The following FSTL5 variants were observed in gnomAD, a reference collection of about 807,000 sequenced individuals.
FSTL5 encodes follistatin like 5.
In FSTL5, 62 loss-of-function variants were observed where a neutral mutation model predicts 89.1. The ratio of observed to expected loss-of-function variants is 0.70; its 90% CI spans 0.57 to 0.86. The LOEUF (loss-of-function observed/expected upper bound fraction) is 0.86, where lower values mean the gene tolerates loss of function less well. Among genes scored for constraint, FSTL5 ranks in the 40% least tolerant of loss-of-function variants. The pLI, the probability that FSTL5 is intolerant of heterozygous loss-of-function variation, is 0.00. For synonymous variants in FSTL5, 383 were observed against 346.2 expected (o/e 1.11, Z -1.18); for missense variants, 1,057 against 1,001.6 (o/e 1.06, Z -0.75).
At chr4:161,659,047 T>C (rs1736621483) in intron 6 of FSTL5, among the ~76,000 whole-genome samples, 1 of 152,214 alleles carries the variant, frequency 6.6e-6, no homozygotes, top group Non-Finnish European at 1.5e-5. Flanking sequence ...CATCTTAGAA[T>C]AAATGCTGAG....
intron 7 of FSTL5, among the ~76,000 whole-genome samples, chr4:161,623,673 T>A (rs943619150): frequency 4.6e-5 from 7 of 151,936 alleles, no homozygotes; most frequent in African/African-American, 7.2e-5. Context: ...AAAGAAAAAA[T>A]TAAATTATGG....
At chr4:162,026,524 T>C (rs943656711) in intron 3 of FSTL5, among the ~76,000 whole-genome samples, 1 of 151,856 alleles carries the variant, frequency 6.6e-6, no homozygotes, top group African/African-American at 2.4e-5. Context: ...GCAAGGCTGT[T>C]TGGAAACTCC....
At chr4:161,484,555 T>A (rs1358232267) in intron 12 of FSTL5, among the ~76,000 whole-genome samples, 1 of 152,232 alleles carries the variant, frequency 6.6e-6, no homozygotes, top group Non-Finnish European at 1.5e-5. Flanking sequence ...TTCAGACTTT[T>A]GAGCAAGCTT....
chr4:161,985,869 G>A (rs1735949861), intron 3 of FSTL5, among the ~76,000 whole-genome samples: 1 of 152,034 alleles, frequency 6.6e-6, no homozygotes. Flanking sequence ...TTATTCATAT[G>A]AAACAGGCAT....
intron 15 of FSTL5, among the ~76,000 whole-genome samples, chr4:161,437,863 GA>G (rs1455561693): frequency 6.6e-6 from 1 of 152,138 alleles, no homozygotes; most frequent in African/African-American, 2.4e-5. Context: ...AAGTCCTCGA[GA>G]GGATTTCCTT....
intron 6 of FSTL5, among the ~76,000 whole-genome samples, chr4:161,742,144 C>T (rs1015175384): frequency 2.6e-5 from 4 of 151,922 alleles, no homozygotes; most frequent in African/African-American, 2.4e-5. Context: ...AATAAAACAA[C>T]GGAGGAAATA....
chr4:162,143,763 T>A (rs1579061419), intron 1 of FSTL5, among the ~76,000 whole-genome samples: 4 of 129,148 alleles, frequency 3.1e-5, no homozygotes, highest in Admixed American at 8.0e-5. Context: ...GGAAAAAAGG[T>A]TACATTGTAT....
At chr4:161,697,067 A>G (rs969334266) in intron 6 of FSTL5, among the ~76,000 whole-genome samples, 6 of 152,192 alleles carry the variant, frequency 3.9e-5, no homozygotes, top group Non-Finnish European at 7.3e-5. Flanking sequence ...CAGCCTCTGC[A>G]AGAGCAAACA....
intron 6 of FSTL5, among the ~76,000 whole-genome samples, chr4:161,747,637 G>A (rs900530140): frequency 6.6e-6 from 1 of 152,110 alleles, no homozygotes; most frequent in African/African-American, 2.4e-5. Context: ...AACAACTAGG[G>A]TCTGTTTACC....
In FSTL5 at chr4:161,544,118, C is replaced by T. The variant is rs568630704; in HGVS notation, c.1016-1425G>A. ...GAAGATGTATAAATGGCTAATTAAGCATATGAAAAGATTAAAAAATTAAAA... is the reference window on the plus strand; with the variant it reads ...GAAGATGTATAAATGGCTAATTAAGTATATGAAAAGATTAAAAAATTAAAA... On this transcript the variant is annotated intron_variant, in intron 8 of 15. Transcript: ENST00000306100. Among the ~76,000 whole-genome samples, 7 of 151,518 alleles carry T rather than the reference C, an allele frequency of 4.6e-5. No homozygotes were observed. The East Asian group carries it at 1.4e-3, about 29-fold the overall frequency.
intron 4 of FSTL5, among the ~76,000 whole-genome samples, chr4:161,787,666 A>G (rs1741952696): frequency 6.6e-6 from 1 of 152,180 alleles, no homozygotes; most frequent in Admixed American, 6.5e-5. Context: ...TGTAAAATCT[A>G]GCTGACATTT....
intron 15 of FSTL5, among the ~76,000 whole-genome samples, chr4:161,447,150 G>A (rs1375546500): frequency 2.0e-5 from 3 of 151,982 alleles, no homozygotes; most frequent in African/African-American, 4.8e-5. Flanking sequence ...AATCTGCAAT[G>A]TGGAGTGTTT....
chr4:161,735,695 G>T (rs894635663), intron 6 of FSTL5, among the ~76,000 whole-genome samples: 10 of 152,046 alleles, frequency 6.6e-5, no homozygotes, highest in African/African-American at 2.4e-4. Flanking sequence ...TATAACTTCA[G>T]TAAAAAAATT....
At position 161,839,156 on chromosome 4, in the gene FSTL5, A is replaced by C. The variant is rs748305401; in HGVS notation, c.410-63082T>G. On this transcript the variant is annotated intron_variant, in intron 4 of 15. Transcript: ENST00000306100. The stretch of plus-strand genomic sequence containing the variant: ...TTTATTTTCCGATGCTAGAAGTAAA[A>C]ATGAAAAAAGAATGGACATAATAAG... Among the ~76,000 whole-genome samples, 3 of 152,100 alleles carry C rather than the reference A, an allele frequency of 2.0e-5. No individual in the cohort carries two copies. In the East Asian group the frequency reaches 5.8e-4, roughly 29 times the overall value.
chr4:161,480,270 C>T (rs901566381), intron 13 of FSTL5, among the ~76,000 whole-genome samples: 2 of 152,068 alleles, frequency 1.3e-5, no homozygotes, highest in African/African-American at 4.8e-5. Flanking sequence ...ATTTATTATT[C>T]CCATTTGACA....
intron 10 of FSTL5, among the ~76,000 whole-genome samples, chr4:161,528,288 A>G (rs1260442308): frequency 7.0e-6 from 1 of 143,104 alleles, no homozygotes; most frequent in East Asian, 2.4e-4. Flanking sequence ...TAAAACTTAA[A>G]GTATGATAAT....
chr4:161,775,898 C>A lies in FSTL5; in HGVS notation c.586G>T (p.Asp196Tyr). The part of the protein sequence containing the change: ...YFDADSNGLV[D>Y]INELTQVIKQ... Reference sequence around the variant, plus strand: ...CATACCTGAGTTAGTTCATTAATATCTACAAGTCCATTACTGTCTGCATCA... The same window carrying A: ...CATACCTGAGTTAGTTCATTAATATATACAAGTCCATTACTGTCTGCATCA... Residue 196 changes from aspartate to tyrosine, a missense_variant, in exon 5 of 16, where the codon GAT (aspartate) becomes TAT (tyrosine). Physicochemically the swap from Asp to Tyr is radical, Grantham distance 160. Coordinates refer to ENST00000306100, the MANE Select transcript of FSTL5 (RefSeq NM_020116.5). The A allele has an allele frequency of 1.3e-6, 2 of 1,562,416 alleles. No homozygotes were observed. The highest frequency in any genetic ancestry group is 2.5e-5 in the South Asian group (2 of 81,290).
At chr4:162,124,313 A>G (rs1731985076) in intron 1 of FSTL5, among the ~76,000 whole-genome samples, 1 of 152,184 alleles carries the variant, frequency 6.6e-6, no homozygotes, top group African/African-American at 2.4e-5. Context: ...ATTTAGTAGT[A>G]TCATCCAACC....
At chr4:161,564,858 A>G (rs566720711) in intron 8 of FSTL5, among the ~76,000 whole-genome samples, 88 of 151,940 alleles carry the variant, frequency 5.8e-4, no homozygotes, top group African/African-American at 1.9e-3. Context: ...CTGGTGTTAA[A>G]TCAAAAAATG....
Sources: gnomAD v4.1 joint callset for allele counts (sites outside exome capture counted in the v4.1 genomes callset) on GRCh38, gnomAD v4.1.1 for gene constraint, MANE v1.5 for transcripts, NCBI Gene and HGNC (gene_info 2026-07-23, HGNC 2026-07-21) for gene names.